Variants in MED13 observed in about 807,000 individuals in gnomAD.
The protein encoded by MED13 is mediator complex subunit 13.
A neutral mutation model predicts 225.2 loss-of-function variants in MED13; 23 were observed. The ratio of observed to expected loss-of-function variants is 0.10; its 90% CI spans 0.07 to 0.14. The LOEUF is 0.14. Ranked by LOEUF, MED13 falls within the 10% of genes least tolerant of loss-of-function variation. The pLI is 1.00. For missense variants in MED13, 2,197 were observed against 2,594.5 expected, an observed-to-expected ratio of 0.85 and a Z score of 3.33; for synonymous variants, 942 against 889.2, an observed-to-expected ratio of 1.06 and a Z score of -1.06.
chr17:62,022,920 G>A (rs1387236304), intron 8 of MED13, among the ~76,000 whole-genome samples: 1 of 152,036 alleles, frequency 6.6e-6, no homozygotes, highest in Non-Finnish European at 1.5e-5. Flanking sequence ...TGAGGCAGGA[G>A]GATCGTTTCA....
chr17:61,969,416 C>T (rs558181586), intron 17 of MED13, among the ~76,000 whole-genome samples: 82 of 152,158 alleles, frequency 5.4e-4, no homozygotes, highest in African/African-American at 2.0e-3. Flanking sequence ...TGGCTCATGC[C>T]TGTAATCTCA....
intron 17 of MED13, among the ~76,000 whole-genome samples, chr17:61,969,950 C>T (rs1265226524): frequency 6.6e-6 from 1 of 151,898 alleles, no homozygotes; most frequent in African/African-American, 2.4e-5. Flanking sequence ...TGACCAACAA[C>T]CTAATAGAAA....
intron 16 of MED13, among the ~76,000 whole-genome samples, chr17:61,976,384 G>C (rs896743426): frequency 6.6e-6 from 1 of 152,172 alleles, no homozygotes; most frequent in Non-Finnish European, 1.5e-5. Context: ...AGACTTAGTG[G>C]TTGTCTATAG....
chr17:62,019,203 T>C (rs929661060), intron 8 of MED13, among the ~76,000 whole-genome samples: 8 of 152,238 alleles, frequency 5.3e-5, no homozygotes, highest in African/African-American at 1.9e-4. Context: ...GAAGCAGATA[T>C]AAGAATTCAA....
intron 8 of MED13, 117 bp downstream of exon 8, chr17:62,029,424 T>C (rs2080732925): frequency 4.3e-6 from 3 of 694,500 alleles, no homozygotes; most frequent in Non-Finnish European, 7.0e-6. Context: ...GAATTTTCTT[T>C]TGAAAAAAAA....
chr17:62,017,963 G>T (rs543738621), intron 8 of MED13, among the ~76,000 whole-genome samples: 3 of 152,300 alleles, frequency 2.0e-5, no homozygotes, highest in African/African-American at 7.2e-5. Flanking sequence ...AGGACTGGTA[G>T]ATAAACTAAG....
chr17:62,035,536 G>T lies in MED13; in HGVS notation c.543C>A (p.Asn181Lys), dbSNP rs1256571933. The T allele has an allele frequency of 1.1e-5, 18 of 1,613,578 alleles. No homozygotes were observed. Among genetic ancestry groups the T allele is most frequent in the Non-Finnish European group, 1.4e-5 (17 of 1,179,710 alleles). The change falls in exon 4 of 30, where the codon AAC (asparagine) becomes AAA (lysine). Residue 181 changes from asparagine to lysine, a missense_variant. By Grantham distance (94) the Asn-to-Lys change is moderately conservative. Around this residue, in one of 12 missense-constraint regions of MED13, gnomAD observed 884 missense variants for 918.5 expected, o/e 0.96. Transcript: ENST00000397786. ...DSNVCTSVEI[N>K]QHQPVYLLSE... ...TGAGAAGGTATACAGGTTGATGTTG[G>T]TTAATTTCCACACTGGTACAAACAT...
chr17:62,011,395 G>T (rs750055694), intron 8 of MED13, among the ~76,000 whole-genome samples, 162 bp from the exon 9 acceptor site: 1 of 152,030 alleles, frequency 6.6e-6, no homozygotes, highest in Admixed American at 6.6e-5. Context: ...TACTTTGCTC[G>T]TGACCTAAAT....
chr17:61,969,958 A>G (rs1164775498), intron 17 of MED13, among the ~76,000 whole-genome samples: 2 of 152,142 alleles, frequency 1.3e-5, no homozygotes, highest in African/African-American at 4.8e-5. Flanking sequence ...AACCTAATAG[A>G]AAAATGGGTT....
At chr17:61,993,592 T>C (rs1358391371) in intron 10 of MED13, among the ~76,000 whole-genome samples, 1 of 151,988 alleles carries the variant, frequency 6.6e-6, no homozygotes, top group Non-Finnish European at 1.5e-5. Context: ...ACCTGGCATA[T>C]AGTAGGGCTA....
chr17:62,028,132 A>T (rs1311453513), intron 8 of MED13, among the ~76,000 whole-genome samples: 1 of 152,210 alleles, frequency 6.6e-6, no homozygotes, highest in Non-Finnish European at 1.5e-5. Context: ...TCACAATAGC[A>T]AAGACATGGA....
intron 16 of MED13, among the ~76,000 whole-genome samples, chr17:61,973,291 T>C (rs985985529): frequency 6.6e-6 from 1 of 152,056 alleles, no homozygotes; most frequent in Non-Finnish European, 1.5e-5. Context: ...GTAAAGTGAA[T>C]AAAGACTGGT....
chr17:61,971,186 T>C (rs187221241), intron 17 of MED13, among the ~76,000 whole-genome samples: 2 of 151,512 alleles, frequency 1.3e-5, no homozygotes, highest in South Asian at 2.1e-4. Context: ...GGAATACATA[T>C]AGCCATAAAA....
chr17:62,004,765 G>C (rs909008304), intron 9 of MED13: 1 of 152,214 alleles, frequency 6.6e-6, no homozygotes, highest in African/African-American at 2.4e-5. Context: ...CTGCTGTGTA[G>C]AGAATACATG....
In MED13 at chr17:62,011,209, A is replaced by G; in HGVS notation, c.1308T>C (p.Asn436=). The change falls in exon 9 of 30, where the codon AAT becomes AAC. Residue 436 remains asparagine, a synonymous_variant. Transcript: ENST00000397786. ...ATGGTGCCTGTCCTTGTTGTCCAGC[A>G]TTTCTTGACTTGAGATTTTTGTGCC... ...CLRHKNLKSR[N]AGQQGQAPSL... 1.2e-6 allele frequency: 2 copies of G among 1,607,108 alleles called. No individual in the cohort carries two copies.
In MED13 at chr17:61,961,604, G is replaced by A. The variant is rs776342503; in HGVS notation, c.5240C>T (p.Ala1747Val). 1.2e-6 allele frequency: 2 copies of A among 1,613,602 alleles called. No homozygotes were observed. The highest frequency in any genetic ancestry group is 1.7e-6 in the Non-Finnish European group (2 of 1,179,858). The change falls in exon 22 of 30, where the codon GCC (alanine) becomes GTC (valine). Residue 1747 changes from alanine (A) to valine (V), a missense_variant. Ala to Val is a moderately conservative substitution (Grantham distance 64). This residue lies in a region of MED13 where 457 missense variants were observed against 442.2 expected (regional missense o/e 1.03). Coordinates refer to ENST00000397786, the MANE Select transcript of MED13 (RefSeq NM_005121.3). The part of the protein sequence containing the change: ...GFGPGLAMET[A>V]LRSPDRPECI... ...TATACTTACATCAGGACTTCTAAGG[G>A]CAGTTTCCATGGCTAAACCTGGACC...
rs766909961 is a variant in MED13 at position 62,008,317 on chromosome 17, C to CAAAAAAAAAAAAAAAAA, written c.1967+2216_1967+2232dup. Among the ~76,000 whole-genome samples the CAAAAAAAAAAAAAAAAA allele has an allele frequency of 3.0e-4, 10 of 33,206 alleles. 1 individual carries two copies. The highest frequency in any genetic ancestry group is 5.4e-4 in the African/African-American group (5 of 9,326). The allele number at this position is 33,206 out of a possible 152,430, so 21.8% of individuals were successfully genotyped here. On this transcript the variant is annotated intron_variant, in intron 9 of 29. Transcript: ENST00000397786. Reference sequence around the variant, plus strand: ...TGGGCCACAGAGCGAGGCTCTGTCTCAAAAAAAAAAAAAAAAAAAAAAAAA... The same window carrying CAAAAAAAAAAAAAAAAA: ...TGGGCCACAGAGCGAGGCTCTGTCTCAAAAAAAAAAAAAAAAAAAAAAAAAAAAAAAAAAAAAAAAAA...
At chr17:62,060,030 G>A (rs896679123) in intron 2 of MED13, among the ~76,000 whole-genome samples, 3 of 152,042 alleles carry the variant, frequency 2.0e-5, no homozygotes, top group African/African-American at 7.2e-5. Flanking sequence ...AGTGACTCAC[G>A]CCTGTAATCC....
intron 1 of MED13, among the ~76,000 whole-genome samples, chr17:62,064,308 TG>T (rs752569540): frequency 7.9e-5 from 12 of 152,244 alleles, no homozygotes; most frequent in Non-Finnish European, 1.6e-4. Flanking sequence ...CCTTAACTGT[TG>T]GATGTTACCA....
Sources: allele counts gnomAD v4.1 joint callset (sites outside exome capture counted in the v4.1 genomes callset), GRCh38; gene constraint gnomAD v4.1.1; regional missense constraint gnomAD v4.1.1; transcripts MANE v1.5; gene names NCBI Gene and HGNC (gene_info 2026-07-23, HGNC 2026-07-21).